PTPRA: variants seen among roughly 807,000 people sequenced by gnomAD.
PTPRA encodes protein tyrosine phosphatase receptor type A.
Under a neutral mutation model 104.8 loss-of-function variants are expected in PTPRA, and 25 were observed. The ratio of observed to expected loss-of-function variants is 0.24; its 90% CI spans 0.17 to 0.33. The LOEUF is 0.33. PTPRA is among the 10% of genes least tolerant of loss of function. The pLI is 1.00. For missense variants in PTPRA, 765 were observed against 1,015.3 expected, an observed-to-expected ratio of 0.75 and a Z score of 3.35; for synonymous variants, 323 against 368.9, an observed-to-expected ratio of 0.88 and a Z score of 1.43.
chr20:2,915,375 C>T (rs1355045417), intron 1 of PTPRA, among the ~76,000 whole-genome samples: 1 of 152,116 alleles, frequency 6.6e-6, no homozygotes, highest in Non-Finnish European at 1.5e-5. Context: ...TTTTGAAAAT[C>T]TTTTCATGTG....
chr20:2,896,642 A>G (rs115902201), intron 1 of PTPRA, among the ~76,000 whole-genome samples: 2,508 of 152,304 alleles, frequency 0.016, 65 homozygotes, highest in African/African-American at 0.056. Context: ...GAAAACAAGG[A>G]TACTCTCCTA....
At chr20:2,967,617 TTGGGAGGCCAAGG>T (rs1446401474) in intron 5 of PTPRA, among the ~76,000 whole-genome samples, 4 of 152,166 alleles carry the variant, frequency 2.6e-5, no homozygotes, top group African/African-American at 9.7e-5. Flanking sequence ...TCCCAGCACT[TTGGGAGGCCAAGG>T]TGGACAGATC....
intron 1 of PTPRA, among the ~76,000 whole-genome samples, chr20:2,919,516 T>C (rs1047131715): frequency 1.3e-5 from 2 of 152,192 alleles, no homozygotes; most frequent in African/African-American, 2.4e-5. Flanking sequence ...GTGGATATTA[T>C]CAAGACACAG....
chr20:3,022,839 G>C lies in PTPRA; in HGVS notation c.1464+15G>C. On this transcript the variant is annotated intron_variant, in intron 16 of 23. Transcript: ENST00000399903. This position sits in a 1 kb window ranked among gnomAD's most constrained non-coding sequence, Gnocchi z 4.6. ...TGCAAACCGATGTGAGTGATCTGTG[G>C]GTCAGGTGAGGGTGGGGGGTTCCAG... 1 of 1,614,090 alleles carries C rather than the reference G, an allele frequency of 6.2e-7. No homozygotes were observed. Among genetic ancestry groups the C allele is most frequent in the Non-Finnish European group, 8.5e-7 (1 of 1,179,996 alleles).
At chr20:2,900,150 T>C (rs1465185887) in intron 1 of PTPRA, among the ~76,000 whole-genome samples, 1 of 151,928 alleles carries the variant, frequency 6.6e-6, no homozygotes, top group Non-Finnish European at 1.5e-5. Flanking sequence ...GCCTCCTTTT[T>C]TTTTTTCATT....
At chr20:2,903,987 T>G (rs978989001) in intron 1 of PTPRA, among the ~76,000 whole-genome samples, 1 of 152,008 alleles carries the variant, frequency 6.6e-6, no homozygotes, top group African/African-American at 2.4e-5. Flanking sequence ...TCACTGCAAC[T>G]TCAATCTCCT....
At chr20:2,977,708 C>T (rs1442414353) in intron 6 of PTPRA, among the ~76,000 whole-genome samples, 1 of 151,556 alleles carries the variant, frequency 6.6e-6, no homozygotes, top group African/African-American at 2.4e-5. Context: ...ATGGCTTTCT[C>T]TAAGCACCTT....
chr20:3,020,186 G>A (rs963935192), intron 13 of PTPRA, among the ~76,000 whole-genome samples: 7 of 152,084 alleles, frequency 4.6e-5, no homozygotes, highest in East Asian at 3.9e-4. Context: ...TCGGCTCACT[G>A]CAAGCTCCGC....
chr20:2,910,045 A>C (rs28851035), intron 1 of PTPRA, among the ~76,000 whole-genome samples: 13 of 123,268 alleles, frequency 1.1e-4, no homozygotes, highest in Admixed American at 3.9e-4. Context: ...ATCATATATA[A>C]TATATATCAT....
At chr20:2,977,299 A>C (rs1259155258) in intron 6 of PTPRA, among the ~76,000 whole-genome samples, 2 of 151,748 alleles carry the variant, frequency 1.3e-5, no homozygotes, top group Non-Finnish European at 2.9e-5. Flanking sequence ...CTCAAAAAAA[A>C]AAAAAAAAAT....
At chr20:3,032,122 C>T (rs1466477335) in intron 20 of PTPRA, among the ~76,000 whole-genome samples, 1 of 152,190 alleles carries the variant, frequency 6.6e-6, no homozygotes, top group Non-Finnish European at 1.5e-5. Flanking sequence ...TCATTCTTCT[C>T]CAAGAAATCA....
chr20:2,913,286 G>C (rs2059788381), intron 1 of PTPRA, among the ~76,000 whole-genome samples: 1 of 152,172 alleles, frequency 6.6e-6, no homozygotes, highest in African/African-American at 2.4e-5. Flanking sequence ...GCTGAGGCAT[G>C]AGAATCACTT....
chr20:2,967,608 C>T (rs376036514), intron 5 of PTPRA, among the ~76,000 whole-genome samples: 2 of 152,278 alleles, frequency 1.3e-5, no homozygotes, highest in South Asian at 4.2e-4. Context: ...CACCTGTAAT[C>T]CCAGCACTTT....
intron 3 of PTPRA, among the ~76,000 whole-genome samples, chr20:2,948,524 T>C (rs2061224792): frequency 6.6e-6 from 1 of 152,222 alleles, no homozygotes; most frequent in Admixed American, 6.5e-5. Context: ...TGCCATACCA[T>C]TAGTGCTTAG....
the PTPRA span, chr20:2,864,430 A>C: frequency 6.2e-7 from 1 of 1,614,160 alleles, no homozygotes; most frequent in South Asian, 1.1e-5. The surrounding 1 kb of genome is among the most constrained non-coding windows in gnomAD (Gnocchi z 5.2). Context: ...GACCCTTCGG[A>C]ATCAGCCCAT....
At position 3,035,435 on chromosome 20, in the gene PTPRA, T is replaced by C. The variant is rs866670746; in HGVS notation, c.1921-150T>C. On this transcript the variant is annotated intron_variant, in intron 20 of 23. Coordinates refer to ENST00000399903, the MANE Select transcript of PTPRA (RefSeq NM_001385305.1). This position sits in a 1 kb window ranked among gnomAD's most constrained non-coding sequence, Gnocchi z 5.8. The stretch of plus-strand genomic sequence containing the variant: ...GGAGGTTAATTGGAATGATGTGATA[T>C]AATGATCCTGCAAGTTTTCAATACC... The C allele has an allele frequency of 3.4e-6, 3 of 881,604 alleles. No individual in the cohort carries two copies. Among genetic ancestry groups the C allele is most frequent in the South Asian group, 1.7e-5 (1 of 58,022 alleles). The allele number at this position is 881,604 out of a possible 1,614,324, so 54.6% of individuals were successfully genotyped here.
intron 1 of PTPRA, among the ~76,000 whole-genome samples, chr20:2,897,316 T>C (rs1221548516): frequency 6.6e-6 from 1 of 152,198 alleles, no homozygotes; most frequent in Admixed American, 6.5e-5. Flanking sequence ...AATCAGTTAT[T>C]ATAGTGGTTG....
chr20:2,965,594 A>G (rs1262050976), intron 5 of PTPRA, among the ~76,000 whole-genome samples: 4 of 152,120 alleles, frequency 2.6e-5, no homozygotes, highest in Non-Finnish European at 4.4e-5. Context: ...GAGAATGGGT[A>G]TTGATGTCCA....
chr20:2,897,415 T>C (rs2059046796), intron 1 of PTPRA, among the ~76,000 whole-genome samples: 1 of 136,398 alleles, frequency 7.3e-6, no homozygotes, highest in Non-Finnish European at 1.5e-5. Flanking sequence ...TGAGACGGAG[T>C]CTCGCTTTGT....
Sources: allele counts gnomAD v4.1 joint callset (sites outside exome capture counted in the v4.1 genomes callset), GRCh38; gene constraint gnomAD v4.1.1; non-coding constraint Gnocchi (gnomAD v3.1); transcripts MANE v1.5; gene names NCBI Gene and HGNC (gene_info 2026-07-23, HGNC 2026-07-21).